Variants in IMMP2L observed in about 807,000 individuals in gnomAD.
IMMP2L encodes mitochondrial inner membrane protease subunit 2.
IMMP2L carries 18 observed loss-of-function variants against 19.3 expected under a neutral mutation model. The ratio of observed to expected loss-of-function variants is 0.93; its 90% CI spans 0.64 to 1.38. The LOEUF (loss-of-function observed/expected upper bound fraction) is 1.38, where lower values mean the gene tolerates loss of function less well. Among genes scored for constraint, IMMP2L ranks in the 40% most tolerant of loss-of-function variants. The pLI, the probability that IMMP2L is intolerant of heterozygous loss-of-function variation, is 0.00. For synonymous variants in IMMP2L, 76 were observed against 73.0 expected (o/e 1.04, Z -0.21); for missense variants, 233 against 218.2 (o/e 1.07, Z -0.43).
chr7:111,427,329 G>C lies in IMMP2L; in HGVS notation c.239+59909C>G, dbSNP rs181772730. ...ATCCCTAAGCCAAATGAAATGCTTT[G>C]TTCTAATGACTGAAAAAATCAGTTA... On this transcript the variant is annotated intron_variant, in intron 3 of 5. Coordinates refer to ENST00000405709, the MANE Select transcript of IMMP2L (RefSeq NM_032549.4). 2.0e-5 allele frequency among the ~76,000 whole-genome samples: 3 copies of C among 151,738 alleles called. No homozygotes were observed. In the East Asian group the frequency reaches 5.8e-4, roughly 29 times the overall value.
chr7:111,483,310 A>T (rs1041028961), intron 3 of IMMP2L: 1 of 152,174 alleles, frequency 6.6e-6, no homozygotes, highest in African/African-American at 2.4e-5. Context: ...TTATTGTGAA[A>T]TAGTGCAACT....
chr7:111,421,316 T>G (rs1402181085), intron 3 of IMMP2L, among the ~76,000 whole-genome samples: 1 of 142,638 alleles, frequency 7.0e-6, no homozygotes, highest in Non-Finnish European at 1.5e-5. Flanking sequence ...GTGGCCCAGG[T>G]GGGAGTGCAG....
chr7:110,773,359 T>A (rs2131034246), intron 5 of IMMP2L, among the ~76,000 whole-genome samples: 1 of 152,184 alleles, frequency 6.6e-6, no homozygotes, highest in Non-Finnish European at 1.5e-5. Flanking sequence ...CCACAAAAAA[T>A]TCAGGTGTTA....
chr7:110,811,649 A>C (rs1802045283), intron 5 of IMMP2L, among the ~76,000 whole-genome samples: 1 of 152,080 alleles, frequency 6.6e-6, no homozygotes, highest in Non-Finnish European at 1.5e-5. Flanking sequence ...AGCTATGGTA[A>C]TTTAGAGCTA....
At chr7:111,380,313 T>C (rs1022987541) in intron 3 of IMMP2L, among the ~76,000 whole-genome samples, 1 of 151,978 alleles carries the variant, frequency 6.6e-6, no homozygotes, top group Non-Finnish European at 1.5e-5. Flanking sequence ...TATATATTCA[T>C]TGACTCCTAC....
At chr7:110,907,059 G>A (rs796435132) in intron 4 of IMMP2L, among the ~76,000 whole-genome samples, 5 of 152,094 alleles carry the variant, frequency 3.3e-5, no homozygotes, top group African/African-American at 4.8e-5. Context: ...GGCAGTGGGG[G>A]GGATGGGGGT....
chr7:111,350,574 T>G (rs1828050795), intron 3 of IMMP2L, among the ~76,000 whole-genome samples: 1 of 151,974 alleles, frequency 6.6e-6, no homozygotes, highest in African/African-American at 2.4e-5. Flanking sequence ...ATATGATCAT[T>G]CTTCATAAAT....
chr7:111,346,386 G>A lies in IMMP2L; in HGVS notation c.239+140852C>T, dbSNP rs1191023089. Reference sequence around the variant, plus strand: ...AGAGAAGGGGGTAAGAGACACTACTGAGCATCTGTTAGATCCAGAATCTGT... The same window carrying A: ...AGAGAAGGGGGTAAGAGACACTACTAAGCATCTGTTAGATCCAGAATCTGT... On this transcript the variant is annotated intron_variant, in intron 3 of 5. Transcript: ENST00000405709. 2.0e-5 allele frequency among the ~76,000 whole-genome samples: 3 copies of A among 152,104 alleles called. 1 individual carries two copies. The highest frequency in any genetic ancestry group is 2.9e-5 in the Non-Finnish European group (2 of 68,022).
chr7:110,863,017 C>A (rs529456009), intron 5 of IMMP2L, among the ~76,000 whole-genome samples: 2 of 152,084 alleles, frequency 1.3e-5, no homozygotes, highest in African/African-American at 4.8e-5. Flanking sequence ...AGAACCAGCA[C>A]AAATTCTGAT....
intron 5 of IMMP2L, among the ~76,000 whole-genome samples, chr7:110,816,524 T>C (rs1802533793): frequency 6.6e-6 from 1 of 151,814 alleles, no homozygotes. Flanking sequence ...GTATCCTTGT[T>C]AACTTTCTGT....
At chr7:111,332,654 T>C (rs1243774751) in intron 3 of IMMP2L, among the ~76,000 whole-genome samples, 1 of 151,894 alleles carries the variant, frequency 6.6e-6, no homozygotes, top group Non-Finnish European at 1.5e-5. Context: ...ACACCTACAA[T>C]ATAACTAATA....
At chr7:111,215,544 A>C (rs214466) in intron 3 of IMMP2L, among the ~76,000 whole-genome samples, 66,814 of 151,938 alleles carry the variant, frequency 0.44, 15,405 homozygotes, top group Non-Finnish European at 0.52. Flanking sequence ...ATTTAGTCTA[A>C]TTTCAAAAAA....
chr7:111,140,813 A>T (rs1562844476), intron 3 of IMMP2L, among the ~76,000 whole-genome samples: 3 of 152,212 alleles, frequency 2.0e-5, no homozygotes. Context: ...GAAGAAAAAT[A>T]GTCTATTCTT....
At chr7:110,794,701 T>C (rs547934827) in intron 5 of IMMP2L, among the ~76,000 whole-genome samples, 50 of 152,188 alleles carry the variant, frequency 3.3e-4, no homozygotes, top group South Asian at 2.3e-3. Context: ...TTTCCAGGTT[T>C]ACTTAGAAGA....
At chr7:111,135,022 C>A (rs548918232) in intron 3 of IMMP2L, among the ~76,000 whole-genome samples, 1 of 151,974 alleles carries the variant, frequency 6.6e-6, no homozygotes, top group Non-Finnish European at 1.5e-5. Flanking sequence ...GAAATTCTAC[C>A]CCAATACTAG....
At chr7:111,340,310 T>TCC (rs1826884642) in intron 3 of IMMP2L, among the ~76,000 whole-genome samples, 1 of 152,024 alleles carries the variant, frequency 6.6e-6, no homozygotes. Context: ...TGATAATACA[T>TCC]CCATTCAACT....
chr7:111,066,313 A>G (rs975781386), intron 3 of IMMP2L, among the ~76,000 whole-genome samples: 4 of 152,098 alleles, frequency 2.6e-5, no homozygotes, highest in Non-Finnish European at 4.4e-5. Context: ...CAGGAACCAC[A>G]TCTGTACCAG....
chr7:110,914,774 T>A (rs1464421955), intron 4 of IMMP2L, among the ~76,000 whole-genome samples: 1 of 129,800 alleles, frequency 7.7e-6, no homozygotes, highest in African/African-American at 3.0e-5. Context: ...GTACAATAGT[T>A]TTTGAAATAT....
chr7:111,264,327 C>T (rs1817619538), intron 3 of IMMP2L, among the ~76,000 whole-genome samples: 1 of 152,052 alleles, frequency 6.6e-6, no homozygotes, highest in Admixed American at 6.6e-5. Context: ...AGGAGAGATC[C>T]AGATTTAGGT....
Sources: gnomAD v4.1 joint callset for allele counts (sites outside exome capture counted in the v4.1 genomes callset) on GRCh38, gnomAD v4.1.1 for gene constraint, MANE v1.5 for transcripts, NCBI Gene and HGNC (gene_info 2026-07-23, HGNC 2026-07-21) for gene names.